The following MAF variants were observed in gnomAD, a reference collection of about 807,000 sequenced individuals.
The protein encoded by MAF is transcription factor Maf.
In MAF, 10 loss-of-function variants were observed where a neutral mutation model predicts 22.0. The ratio of observed to expected loss-of-function variants is 0.45; its 90% CI spans 0.28 to 0.77. The LOEUF (loss-of-function observed/expected upper bound fraction) is 0.77, where lower values mean the gene tolerates loss of function less well. Among genes scored for constraint, MAF ranks in the 30% least tolerant of loss-of-function variants. The pLI is 0.12. For synonymous variants in MAF, 337 were observed against 255.8 expected (o/e 1.32, Z -3.03); for missense variants, 544 against 548.4 (o/e 0.99, Z 0.08).
the MAF span, among the ~76,000 whole-genome samples, chr16:79,223,946 T>A: frequency 1.3e-5 from 2 of 152,182 alleles, no homozygotes; most frequent in Non-Finnish European, 2.9e-5. Context: ...GAGGAGCTGG[T>A]ACCATACCTT....
the MAF span, among the ~76,000 whole-genome samples, chr16:79,536,569 G>T: frequency 6.6e-6 from 1 of 152,140 alleles, no homozygotes; most frequent in African/African-American, 2.4e-5. Flanking sequence ...TTGAACTTGG[G>T]AGGCAGAGGT....
At chr16:79,536,545 G>A in the MAF span, among the ~76,000 whole-genome samples, 1 of 152,188 alleles carries the variant, frequency 6.6e-6, no homozygotes, top group Non-Finnish European at 1.5e-5. Flanking sequence ...GGTAGGCTGA[G>A]GCAGGAGAAT....
At chr16:79,370,611 G>C in the MAF span, among the ~76,000 whole-genome samples, 7 of 152,100 alleles carry the variant, frequency 4.6e-5, no homozygotes, top group Admixed American at 1.3e-4. Context: ...AGGATCCTAG[G>C]GTACAGAGGG....
At chr16:79,236,641 G>C in the MAF span, among the ~76,000 whole-genome samples, 11 of 151,976 alleles carry the variant, frequency 7.2e-5, no homozygotes, top group Admixed American at 7.2e-4. Context: ...TCTTGTTGAG[G>C]CCAGGCTACA....
the MAF span, among the ~76,000 whole-genome samples, chr16:79,483,296 A>G: frequency 5.4e-5 from 6 of 110,556 alleles, no homozygotes; most frequent in African/African-American, 2.2e-4. Context: ...ATCAAAAACT[A>G]TGCATTAAGA....
At chr16:79,213,633 G>A in the MAF span, among the ~76,000 whole-genome samples, 309 of 152,240 alleles carry the variant, frequency 2.0e-3, no homozygotes, top group African/African-American at 7.2e-3. Flanking sequence ...CGGCTCCTGG[G>A]CTAGCCTGCT....
chr16:79,404,576 C>T, the MAF span, among the ~76,000 whole-genome samples: 7 of 152,224 alleles, frequency 4.6e-5, no homozygotes, highest in East Asian at 5.8e-4. Flanking sequence ...CATGGGGTGC[C>T]GCAGAGTCAA....
At chr16:79,577,867 T>G in the MAF span, among the ~76,000 whole-genome samples, 61 of 152,304 alleles carry the variant, frequency 4.0e-4, no homozygotes, top group African/African-American at 1.4e-3. Flanking sequence ...ATTTTAAAAC[T>G]TCCATCGACC....
chr16:79,476,389 G>A, the MAF span, among the ~76,000 whole-genome samples: 4 of 152,188 alleles, frequency 2.6e-5, no homozygotes, highest in Non-Finnish European at 4.4e-5. Flanking sequence ...TTGCTACACA[G>A]CAATAGGCAA....
downstream of MAF, among the ~76,000 whole-genome samples, chr16:79,582,673 G>A (rs568075536): frequency 2.8e-4 from 42 of 152,278 alleles, no homozygotes; most frequent in Non-Finnish European, 4.3e-4. Flanking sequence ...AAACAATTTA[G>A]GGTAAATCCA....
the MAF span, among the ~76,000 whole-genome samples, chr16:79,553,784 C>A: frequency 2.6e-5 from 4 of 152,274 alleles, no homozygotes; most frequent in Middle Eastern, 3.4e-3. Context: ...ACACTCTCAT[C>A]ACTACTTAAA....
chr16:79,239,949 A>G, the MAF span, among the ~76,000 whole-genome samples: 2 of 151,988 alleles, frequency 1.3e-5, no homozygotes, highest in Non-Finnish European at 2.9e-5. Flanking sequence ...TGTTTTACGG[A>G]TAGATGCAGA....
the MAF span, among the ~76,000 whole-genome samples, chr16:79,422,668 A>G: frequency 9.9e-5 from 15 of 152,250 alleles, 1 homozygote; most frequent in Admixed American, 2.6e-4. Context: ...TTTGGGGGGC[A>G]TATCTGGCTT....
At chr16:79,293,162 C>A in the MAF span, among the ~76,000 whole-genome samples, 1 of 152,086 alleles carries the variant, frequency 6.6e-6, no homozygotes, top group Non-Finnish European at 1.5e-5. Context: ...AGTTTTCTTG[C>A]GTGAGGTCCA....
chr16:79,408,170 G>T, the MAF span, among the ~76,000 whole-genome samples: 65 of 150,654 alleles, frequency 4.3e-4, no homozygotes, highest in African/African-American at 1.6e-3. Context: ...CTAACATCGT[G>T]GCTTTTCTTT....
At chr16:79,326,576 G>A in the MAF span, among the ~76,000 whole-genome samples, 1 of 152,178 alleles carries the variant, frequency 6.6e-6, no homozygotes, top group African/African-American at 2.4e-5. Context: ...CTAGGGCAGG[G>A]CTTGGAAAAC....
At chr16:79,368,805 G>A in the MAF span, among the ~76,000 whole-genome samples, 20 of 152,060 alleles carry the variant, frequency 1.3e-4, no homozygotes, top group African/African-American at 4.3e-4. Context: ...TTTAGTCTTT[G>A]CTCAAAGGTC....
At chr16:79,237,536 G>T in the MAF span, among the ~76,000 whole-genome samples, 1 of 152,058 alleles carries the variant, frequency 6.6e-6, no homozygotes. Flanking sequence ...GGCATAGAGG[G>T]TGATTCACTT....
chr16:79,462,213 C>T, the MAF span, among the ~76,000 whole-genome samples: 4 of 152,190 alleles, frequency 2.6e-5, no homozygotes, highest in Non-Finnish European at 5.9e-5. Flanking sequence ...TACCAGGCAC[C>T]GTGCAAACAT....
Sources: allele counts gnomAD v4.1 joint callset (sites outside exome capture counted in the v4.1 genomes callset), GRCh38; gene constraint gnomAD v4.1.1; transcripts MANE v1.5; gene names NCBI Gene and HGNC (gene_info 2026-07-23, HGNC 2026-07-21).